IL1RAPL2: variants seen among roughly 807,000 people sequenced by gnomAD.
The protein encoded by IL1RAPL2 is interleukin 1 receptor accessory protein like 2, also known as X-linked interleukin-1 receptor accessory protein-like 2.
In IL1RAPL2, 3 loss-of-function variants were observed where a neutral mutation model predicts 44.1. That is an observed-to-expected ratio of 0.07 (90% CI 0.03 to 0.18). The LOEUF is 0.18. IL1RAPL2 is among the 10% of genes least tolerant of loss of function. IL1RAPL2 has a pLI of 1.00. For synonymous variants in IL1RAPL2, 181 were observed against 178.8 expected (o/e 1.01, Z -0.10); for missense variants, 391 against 496.4 (o/e 0.79, Z 2.02).
chrX:104,655,035 C>A (rs937350060), intron 1 of IL1RAPL2, among the ~76,000 whole-genome samples: 1 of 111,759 alleles, frequency 8.9e-6, no homozygotes, highest in African/African-American at 3.3e-5. Context: ...TGTCCTGAGA[C>A]TTTGCTGAAG....
At chrX:105,710,064 T>C (rs1712247705) in intron 6 of IL1RAPL2, among the ~76,000 whole-genome samples, 1 of 111,605 alleles carries the variant, frequency 9.0e-6, no homozygotes, top group South Asian at 3.7e-4. Context: ...TCATCTTACT[T>C]TGAGGTCTGC....
intron 2 of IL1RAPL2, among the ~76,000 whole-genome samples, chrX:104,679,753 G>A (rs760012529): frequency 1.1e-4 from 12 of 111,378 alleles, no homozygotes; most frequent in East Asian, 2.8e-4. Context: ...TTGAATGTCC[G>A]TTTGAGAAAG....
chrX:104,792,445 A>G (rs1157345364), intron 2 of IL1RAPL2, among the ~76,000 whole-genome samples: 1 of 111,009 alleles, frequency 9.0e-6, no homozygotes, highest in Non-Finnish European at 1.9e-5. Context: ...TCTGAGGTCA[A>G]ATAAGTTTGG....
intron 2 of IL1RAPL2, among the ~76,000 whole-genome samples, chrX:104,665,669 G>T (rs1401482801): frequency 9.0e-6 from 1 of 110,910 alleles, no homozygotes. Flanking sequence ...CCAACCTGAT[G>T]TTACTTCACA....
chrX:104,670,093 C>T (rs983106172), intron 2 of IL1RAPL2, among the ~76,000 whole-genome samples: 2 of 111,381 alleles, frequency 1.8e-5, no homozygotes, highest in African/African-American at 6.5e-5. Context: ...TTGACTCACA[C>T]GATCACAAAG....
chrX:105,194,561 A>T (rs1171008917), intron 2 of IL1RAPL2, among the ~76,000 whole-genome samples: 1 of 111,965 alleles, frequency 8.9e-6, no homozygotes, highest in Non-Finnish European at 1.9e-5. Context: ...CTTTAATGGT[A>T]GATTTGCCTA....
intron 1 of IL1RAPL2, among the ~76,000 whole-genome samples, chrX:104,622,164 A>G (rs1362303685): frequency 2.7e-5 from 3 of 110,418 alleles, no homozygotes; most frequent in Non-Finnish European, 3.8e-5. Context: ...GGACTTGGCA[A>G]TGTAGGCAGA....
intron 5 of IL1RAPL2, among the ~76,000 whole-genome samples, chrX:105,281,021 C>T (rs1041100216): frequency 1.8e-5 from 2 of 111,518 alleles, no homozygotes; most frequent in African/African-American, 6.5e-5. Context: ...TTGGAACTAA[C>T]CCAAATGTCC....
In IL1RAPL2 at chrX:105,037,903, A is replaced by AG. The variant is rs762619749; in HGVS notation, c.83-157570dup. Among the ~76,000 whole-genome samples, 245 of 111,698 alleles carry AG rather than the reference A, an allele frequency of 2.2e-3. 1 individual carries two copies. The highest frequency in any genetic ancestry group is 7.6e-3 in the African/African-American group (234 of 30,769). On this transcript the variant is annotated intron_variant, in intron 2 of 10. Transcript: ENST00000372582. ...CTAACTGACTTTTGAACACAACTAG[A>AG]GGAGGAGTAGGAGGGGACACTCATT...
intron 1 of IL1RAPL2, among the ~76,000 whole-genome samples, chrX:104,575,026 AG>A (rs1368537201): frequency 8.9e-6 from 1 of 112,028 alleles, no homozygotes; most frequent in Non-Finnish European, 1.9e-5. Flanking sequence ...CTCTGCTTAA[AG>A]CACAGTGGCA....
chrX:105,074,440 T>C (rs979863298), intron 2 of IL1RAPL2, among the ~76,000 whole-genome samples: 10 of 111,884 alleles, frequency 8.9e-5, no homozygotes, highest in African/African-American at 3.3e-4. Context: ...TTTTGGTTAG[T>C]GTAGCTTGCA....
chrX:105,444,395 G>A (rs769086279), intron 5 of IL1RAPL2, among the ~76,000 whole-genome samples: 1 of 110,984 alleles, frequency 9.0e-6, no homozygotes, highest in South Asian at 3.8e-4. Flanking sequence ...CTTGTGGGGT[G>A]TTACTCAGGA....
At chrX:105,142,811 T>C (rs1350954779) in intron 2 of IL1RAPL2, among the ~76,000 whole-genome samples, 1 of 109,100 alleles carries the variant, frequency 9.2e-6, no homozygotes, top group Non-Finnish European at 1.9e-5. Flanking sequence ...CAGTGTGTGA[T>C]GTTCCCCTTC....
intron 2 of IL1RAPL2, among the ~76,000 whole-genome samples, chrX:104,761,910 TCC>T (rs1167931499): frequency 3.9e-5 from 2 of 51,335 alleles, no homozygotes; most frequent in African/African-American, 1.5e-4. Flanking sequence ...CTTCTCCTTC[TCC>T]TTCTCCTTCT....
chrX:105,614,749 C>T (rs1386796013), intron 6 of IL1RAPL2, among the ~76,000 whole-genome samples: 1 of 111,793 alleles, frequency 8.9e-6, no homozygotes, highest in Admixed American at 9.5e-5. Context: ...ATTAGAGAAA[C>T]TCTAGGACAT....
chrX:104,628,002 C>T (rs1455160023), intron 1 of IL1RAPL2, among the ~76,000 whole-genome samples: 1 of 111,580 alleles, frequency 9.0e-6, no homozygotes, highest in Non-Finnish European at 1.9e-5. Context: ...ATGAAATTTA[C>T]ATATACTTCA....
intron 2 of IL1RAPL2, among the ~76,000 whole-genome samples, chrX:104,804,978 T>A (rs1441036281): frequency 8.9e-6 from 1 of 111,984 alleles, no homozygotes; most frequent in Non-Finnish European, 1.9e-5. Context: ...CAGACAAGTG[T>A]TCTAGAGGTT....
intron 2 of IL1RAPL2, among the ~76,000 whole-genome samples, chrX:104,832,879 A>G (rs762897609): frequency 1.8e-5 from 2 of 111,552 alleles, no homozygotes; most frequent in African/African-American, 6.5e-5. Flanking sequence ...GTTGAAAAAA[A>G]GTTGATTTTG....
chrX:105,298,851 C>T (rs1741712), intron 5 of IL1RAPL2, among the ~76,000 whole-genome samples: 6,961 of 111,143 alleles, frequency 0.063, 229 homozygotes, highest in South Asian at 0.14. Flanking sequence ...AAGTGATCAA[C>T]TCTAGCAAAT....
Sources: gnomAD v4.1 joint callset for allele counts (sites outside exome capture counted in the v4.1 genomes callset) on GRCh38, gnomAD v4.1.1 for gene constraint, MANE v1.5 for transcripts, NCBI Gene and HGNC (gene_info 2026-07-23, HGNC 2026-07-21) for gene names.